The following RBFOX1 variants were observed in gnomAD, a reference collection of about 807,000 sequenced individuals.
RBFOX1 encodes RNA binding protein fox-1 homolog 1.
A neutral mutation model predicts 57.7 loss-of-function variants in RBFOX1; 8 were observed. The ratio of observed to expected loss-of-function variants is 0.14; its 90% CI spans 0.08 to 0.25. The LOEUF is 0.25. Among genes scored for constraint, RBFOX1 ranks in the 10% least tolerant of loss-of-function variants. The pLI is 1.00. For synonymous variants in RBFOX1, 326 were observed against 222.4 expected (o/e 1.47, Z -4.15); for missense variants, 611 against 548.5 (o/e 1.11, Z -1.14).
chr16:5,509,274 A>G (rs2043493214), intron 2 of RBFOX1, among the ~76,000 whole-genome samples: 2 of 152,220 alleles, frequency 1.3e-5, no homozygotes. Context: ...ATGATGGAAG[A>G]AGGGCAAATC....
At chr16:6,184,945 C>T (rs901117439) in intron 1 of RBFOX1, among the ~76,000 whole-genome samples, 1 of 152,004 alleles carries the variant, frequency 6.6e-6, no homozygotes, top group East Asian at 1.9e-4. Flanking sequence ...AGCAGCTGTT[C>T]AGGGAAAGAG....
chr16:6,328,527 G>T (rs1242882484), intron 2 of RBFOX1, among the ~76,000 whole-genome samples: 2 of 152,092 alleles, frequency 1.3e-5, no homozygotes, highest in Non-Finnish European at 2.9e-5. Flanking sequence ...ACATCTAGCA[G>T]TTCATTAAGA....
intron 4 of RBFOX1, among the ~76,000 whole-genome samples, chr16:5,921,805 C>T (rs994854949): frequency 6.6e-6 from 1 of 151,732 alleles, no homozygotes; most frequent in East Asian, 1.9e-4. Context: ...CATGACATGG[C>T]GTGAGAGGGA....
Position 6,106,301 on chromosome 16 carries a change from T to A in RBFOX1, c.-127+86309T>A, listed in dbSNP as rs367697438. ...GGCAAAACCCCATCTCTAGTAAAAA[T>A]ACAAAAAAAATTAGTCAGGCTTGAT... On this transcript the variant is annotated intron_variant, in intron 1 of 15. Coordinates refer to ENST00000550418, the MANE Select transcript of RBFOX1 (RefSeq NM_018723.4). Among the ~76,000 whole-genome samples the A allele has an allele frequency of 2.5e-3, 189 of 75,298 alleles. 1 individual carries two copies. The highest frequency in any genetic ancestry group is 0.012 in the African/African-American group (174 of 14,202). The allele number at this position is 75,298 out of a possible 152,430, so 49.4% of individuals were successfully genotyped here. A position where few individuals can be genotyped will look rare whatever the true frequency, so the allele number is the denominator to read the frequency against.
At position 7,041,872 on chromosome 16, in the gene RBFOX1, G is replaced by T. The variant is rs185962924; in HGVS notation, c.-15-10185G>T. Among the ~76,000 whole-genome samples the T allele has an allele frequency of 1.5e-4, 23 of 152,218 alleles. No homozygotes were observed. The East Asian group carries it at 4.1e-3, about 27-fold the overall frequency. On this transcript the variant is annotated intron_variant, in intron 3 of 15. Coordinates refer to ENST00000550418, the MANE Select transcript of RBFOX1 (RefSeq NM_018723.4). ...AGTGCTTTGCTTAGTAATTCTTATA[G>T]ATTATGCTCACAATAAAATTAGACA...
At chr16:7,203,065 C>T (rs887117042) in intron 4 of RBFOX1, among the ~76,000 whole-genome samples, 2 of 152,128 alleles carry the variant, frequency 1.3e-5, no homozygotes, top group South Asian at 2.1e-4. Flanking sequence ...GGATTACAGG[C>T]GTGAGCCACT....
intron 2 of RBFOX1, among the ~76,000 whole-genome samples, chr16:6,540,321 A>AG (rs563805460): frequency 2.0e-5 from 3 of 151,226 alleles, no homozygotes; most frequent in African/African-American, 7.3e-5. Context: ...AAAAAAAAAA[A>AG]ACTCAACTCA....
At chr16:6,180,867 C>T (rs1001594517) in intron 1 of RBFOX1, among the ~76,000 whole-genome samples, 1 of 151,978 alleles carries the variant, frequency 6.6e-6, no homozygotes, top group Non-Finnish European at 1.5e-5. Flanking sequence ...CACCTGGCCT[C>T]TTTTGTTTTT....
At chr16:7,546,674 C>T (rs1373441408) in intron 5 of RBFOX1, among the ~76,000 whole-genome samples, 3 of 152,124 alleles carry the variant, frequency 2.0e-5, no homozygotes, top group Non-Finnish European at 2.9e-5. Flanking sequence ...ACATACAATT[C>T]CGAGTCATTA....
chr16:6,685,563 C>G (rs575284450), intron 3 of RBFOX1, among the ~76,000 whole-genome samples: 1 of 151,584 alleles, frequency 6.6e-6, no homozygotes, highest in East Asian at 2.0e-4. Context: ...GCTGGGATTA[C>G]AGGCATGAGC....
intron 14 of RBFOX1, among the ~76,000 whole-genome samples, chr16:7,679,153 A>G (rs927665453): frequency 5.3e-5 from 8 of 152,236 alleles, no homozygotes; most frequent in Non-Finnish European, 1.0e-4. Flanking sequence ...ATGTTTTAAA[A>G]TGTCTATTAA....
chr16:5,867,996 G>A (rs1421174372), intron 4 of RBFOX1, among the ~76,000 whole-genome samples: 1 of 152,016 alleles, frequency 6.6e-6, no homozygotes, highest in African/African-American at 2.4e-5. Context: ...ATAGGTGTGA[G>A]CCACCATGCC....
chr16:7,595,383 G>A (rs535353704), intron 7 of RBFOX1, among the ~76,000 whole-genome samples, 166 bp from the exon 8 acceptor site: 3 of 152,072 alleles, frequency 2.0e-5, no homozygotes, highest in Non-Finnish European at 4.4e-5. Flanking sequence ...CACATTTGTC[G>A]CTTAATTATT....
chr16:6,596,505 G>A (rs2097777958), intron 2 of RBFOX1, among the ~76,000 whole-genome samples: 1 of 152,148 alleles, frequency 6.6e-6, no homozygotes, highest in Admixed American at 6.6e-5. Context: ...TGCAAAAGGA[G>A]GGGTCCCACT....
intron 3 of RBFOX1, among the ~76,000 whole-genome samples, chr16:6,956,557 G>A (rs115255136): frequency 0.013 from 1,927 of 152,306 alleles, 41 homozygotes; most frequent in African/African-American, 0.044. Flanking sequence ...AGTGGGGGCA[G>A]TTGTACCTCT....
At chr16:6,885,752 G>C (rs1216186752) in intron 3 of RBFOX1, among the ~76,000 whole-genome samples, 1 of 152,026 alleles carries the variant, frequency 6.6e-6, no homozygotes, top group Non-Finnish European at 1.5e-5. Context: ...GGCTGGTCTC[G>C]AACTCATGCC....
intron 1 of RBFOX1, among the ~76,000 whole-genome samples, chr16:6,200,488 A>G (rs535083205): frequency 1.3e-5 from 2 of 152,298 alleles, no homozygotes; most frequent in East Asian, 3.9e-4. Flanking sequence ...GCGATAACAC[A>G]ACATATGTGT....
At chr16:5,380,119 C>A (rs567325490) in intron 1 of RBFOX1, among the ~76,000 whole-genome samples, 6 of 152,228 alleles carry the variant, frequency 3.9e-5, no homozygotes, top group African/African-American at 9.6e-5. Context: ...TGAGTGTGCC[C>A]CAGATTGTCG....
chr16:7,370,637 C>G (rs936285928), intron 4 of RBFOX1, among the ~76,000 whole-genome samples: 1 of 152,184 alleles, frequency 6.6e-6, no homozygotes, highest in Non-Finnish European at 1.5e-5. Flanking sequence ...ATTAGCACAT[C>G]CTAGGCATGG....
Sources: allele counts gnomAD v4.1 joint callset (sites outside exome capture counted in the v4.1 genomes callset), GRCh38; gene constraint gnomAD v4.1.1; transcripts MANE v1.5; gene names NCBI Gene and HGNC (gene_info 2026-07-23, HGNC 2026-07-21).